CNTN5: variants seen among roughly 807,000 people sequenced by gnomAD.
CNTN5 encodes the protein contactin-5.
In CNTN5, 77 loss-of-function variants were observed where a neutral mutation model predicts 129.1. That is an observed-to-expected ratio of 0.60 (90% CI 0.50 to 0.72). The LOEUF (loss-of-function observed/expected upper bound fraction) is 0.72, where lower values mean the gene tolerates loss of function less well. Among genes scored for constraint, CNTN5 ranks in the 30% least tolerant of loss-of-function variants. The pLI is 0.00. For synonymous variants in CNTN5, 509 were observed against 465.6 expected (o/e 1.09, Z -1.20); for missense variants, 1,478 against 1,328.8 (o/e 1.11, Z -1.75).
At chr11:100,081,993 A>G (rs748737583) in intron 13 of CNTN5, among the ~76,000 whole-genome samples, 1 of 152,188 alleles carries the variant, frequency 6.6e-6, no homozygotes, top group Non-Finnish European at 1.5e-5. Context: ...ATAGGAGTAC[A>G]AGAGAGTTTA....
At chr11:99,594,451 G>A (rs777455087) in intron 3 of CNTN5, among the ~76,000 whole-genome samples, 1 of 152,152 alleles carries the variant, frequency 6.6e-6, no homozygotes, top group Non-Finnish European at 1.5e-5. Context: ...AGACCATTGT[G>A]TAAGCTCAAT....
intron 1 of CNTN5, among the ~76,000 whole-genome samples, chr11:99,285,843 G>T (rs1050428883): frequency 1.4e-4 from 22 of 151,966 alleles, no homozygotes; most frequent in Non-Finnish European, 2.8e-4. Context: ...TTCGAGACCA[G>T]CCTGGCCAAC....
chr11:99,255,554 C>A (rs1290316932), intron 1 of CNTN5, among the ~76,000 whole-genome samples: 2 of 151,306 alleles, frequency 1.3e-5, no homozygotes, highest in East Asian at 3.9e-4. Context: ...AGATTGCTAT[C>A]ATTTTACCAT....
At chr11:100,072,071 G>C (rs995503009) in intron 12 of CNTN5, among the ~76,000 whole-genome samples, 1 of 151,834 alleles carries the variant, frequency 6.6e-6, no homozygotes, top group Non-Finnish European at 1.5e-5. Flanking sequence ...AATCTTAAAA[G>C]GTTTACACAA....
intron 1 of CNTN5, among the ~76,000 whole-genome samples, chr11:99,260,409 T>G (rs1862573723): frequency 1.3e-5 from 2 of 151,858 alleles, no homozygotes; most frequent in African/African-American, 4.8e-5. Context: ...TTTAAAAATA[T>G]TTTTGTTCAC....
At chr11:99,666,484 C>A (rs1444234620) in intron 3 of CNTN5, among the ~76,000 whole-genome samples, 1 of 152,060 alleles carries the variant, frequency 6.6e-6, no homozygotes, top group Non-Finnish European at 1.5e-5. Context: ...ATTGCTTCTG[C>A]AAAGGGAAAC....
intron 7 of CNTN5, among the ~76,000 whole-genome samples, chr11:99,954,367 A>T (rs200868481): frequency 6.8e-6 from 1 of 147,898 alleles, no homozygotes; most frequent in East Asian, 2.0e-4. Flanking sequence ...TTAAAAAAAA[A>T]CCTTAAAAAG....
chr11:100,233,995 G>A (rs1949549361), intron 16 of CNTN5, among the ~76,000 whole-genome samples: 1 of 151,920 alleles, frequency 6.6e-6, no homozygotes, highest in Admixed American at 6.6e-5. Context: ...CAAAGGATAT[G>A]GACGCTTCTC....
At position 100,356,150 on chromosome 11, in the gene CNTN5, ACTCT is replaced by A; in HGVS notation, c.3239_3242del (p.Leu1080ProfsTer13). 1 of 1,610,346 alleles carries A rather than the reference ACTCT, an allele frequency of 6.2e-7. No individual in the cohort carries two copies. The highest frequency in any genetic ancestry group is 8.5e-7 in the Non-Finnish European group (1 of 1,177,916). ...ATCACAAGTGCACAGTCGACCCTTCACTCTCTCTCCACATCTTCGTCATCAGTCA... is the reference window on the plus strand; with the variant it reads ...ATCACAAGTGCACAGTCGACCCTTCACTCTCCACATCTTCGTCATCAGTCA... On this transcript the variant is annotated frameshift_variant, in exon 25 of 25. Transcript: ENST00000524871. LOFTEE classifies it high-confidence loss of function.
intron 3 of CNTN5, among the ~76,000 whole-genome samples, chr11:99,612,280 G>A (rs1348554453): frequency 2.0e-5 from 3 of 152,172 alleles, no homozygotes; most frequent in Non-Finnish European, 4.4e-5. Flanking sequence ...GCAAGATGCA[G>A]CAGAAAGTGA....
chr11:99,861,019 A>T (rs1948188739), intron 6 of CNTN5, among the ~76,000 whole-genome samples: 1 of 136,140 alleles, frequency 7.3e-6, no homozygotes, highest in Non-Finnish European at 1.5e-5. Flanking sequence ...GCAGTGGCGC[A>T]ATCTCATCTC....
rs563204161 is a variant in CNTN5, at chr11:100,256,025, T to A, written c.2164+107T>A. On this transcript the variant is annotated intron_variant, in intron 17 of 24. Transcript: ENST00000524871. ...GATTTTTTTGGATTCTGAAATCTCT[T>A]TGTTATTTCTTACAATATTGACAAT... 65 of 955,646 alleles carry A rather than the reference T, an allele frequency of 6.8e-5. 1 individual carries two copies. In the African/African-American group the frequency reaches 1.0e-3, roughly 15 times the overall value. 59.2% of individuals were successfully genotyped at this position (955,646 alleles called of 1,614,324 possible). A position where few individuals can be genotyped will look rare whatever the true frequency, so the allele number is the denominator to read the frequency against.
chr11:100,042,237 T>A lies in CNTN5; in HGVS notation c.981-18975T>A, dbSNP rs200069000. 2.6e-5 allele frequency among the ~76,000 whole-genome samples: 4 copies of A among 152,150 alleles called. No homozygotes were observed. The East Asian group carries it at 7.7e-4, about 29-fold the overall frequency. On this transcript the variant is annotated intron_variant, in intron 9 of 24. Coordinates refer to ENST00000524871, the MANE Select transcript of CNTN5 (RefSeq NM_014361.4). ...AGTTTTGTTCTCTCTCTTTTTTTTTTTTGAGATACAGAATCATAAAAGGAA... is the reference window on the plus strand; with the variant it reads ...AGTTTTGTTCTCTCTCTTTTTTTTTATTGAGATACAGAATCATAAAAGGAA...
intron 13 of CNTN5, among the ~76,000 whole-genome samples, chr11:100,180,146 C>G (rs1948093169): frequency 6.6e-6 from 1 of 151,814 alleles, no homozygotes; most frequent in South Asian, 2.1e-4. Flanking sequence ...AATCAAGATG[C>G]AAAATTCTTA....
intron 1 of CNTN5, among the ~76,000 whole-genome samples, chr11:99,309,452 CCAA>C (rs1865013714): frequency 6.6e-6 from 1 of 152,198 alleles, no homozygotes; most frequent in Admixed American, 6.5e-5. Flanking sequence ...GATTTCCCTC[CCAA>C]CAACAAAAGA....
At chr11:99,525,990 A>G (rs569852177) in intron 2 of CNTN5, among the ~76,000 whole-genome samples, 3 of 139,024 alleles carry the variant, frequency 2.2e-5, no homozygotes, top group East Asian at 2.0e-4. Flanking sequence ...GGCATTATAC[A>G]TTAATGTTTT....
chr11:99,495,006 A>C (rs567804408), intron 2 of CNTN5, among the ~76,000 whole-genome samples: 1 of 152,344 alleles, frequency 6.6e-6, no homozygotes, highest in Non-Finnish European at 1.5e-5. Context: ...AATCAAAAAC[A>C]CTAAAAAGTG....
intron 6 of CNTN5, among the ~76,000 whole-genome samples, chr11:99,905,761 C>G (rs560267344): frequency 6.6e-6 from 1 of 152,232 alleles, no homozygotes; most frequent in South Asian, 2.1e-4. Flanking sequence ...ATTGATTCTT[C>G]CTATCCATGA....
intron 23 of CNTN5, among the ~76,000 whole-genome samples, chr11:100,345,759 T>G (rs482851): frequency 1.3e-5 from 2 of 151,980 alleles, no homozygotes; most frequent in Middle Eastern, 6.8e-3. Flanking sequence ...CCACTGATTT[T>G]TTTTTGAGAT....
Sources: gnomAD v4.1 joint callset for allele counts (sites outside exome capture counted in the v4.1 genomes callset) on GRCh38, gnomAD v4.1.1 for gene constraint, MANE v1.5 for transcripts, NCBI Gene and HGNC (gene_info 2026-07-23, HGNC 2026-07-21) for gene names.